CDH13: variants seen among roughly 807,000 people sequenced by gnomAD.
CDH13 encodes the protein cadherin 13.
In CDH13, 24 loss-of-function variants were observed where a neutral mutation model predicts 63.8. The observed-to-expected ratio is 0.38, with a 90% CI of 0.27 to 0.53. The LOEUF (loss-of-function observed/expected upper bound fraction) is 0.53. CDH13 is among the 20% of genes least tolerant of loss of function. The pLI is 0.85. For missense variants in CDH13, 1,049 were observed against 903.1 expected, an observed-to-expected ratio of 1.16 and a Z score of -2.07; for synonymous variants, 503 against 355.3, an observed-to-expected ratio of 1.42 and a Z score of -4.67.
chr16:82,719,468 C>T (rs982496764), intron 1 of CDH13: 9 of 455,444 alleles, frequency 2.0e-5, no homozygotes, highest in Non-Finnish European at 4.0e-5. Flanking sequence ...AGGAATGATG[C>T]CAACTTCGTA....
At chr16:83,580,492 CTCTCTCTCTCTCTCT>C (rs1258357412) in intron 7 of CDH13, among the ~76,000 whole-genome samples, 1 of 117,854 alleles carries the variant, frequency 8.5e-6, no homozygotes, top group African/African-American at 3.4e-5. Flanking sequence ...CTCTCTCTCT[CTCTCTCTCTCTCTCT>C]AAGTCAGGTC....
rs114824769 is a variant in CDH13, at chr16:82,960,606, T to C, written c.158-71404T>C. ...AACAATCTTTTTTCACCTTCTGGGC[T>C]TCACAAACAAAATAGCACCTTCAGT... On this transcript the variant is annotated intron_variant, in intron 2 of 13. Transcript: ENST00000567109. Among the ~76,000 whole-genome samples the C allele has an allele frequency of 3.4e-3, 520 of 152,302 alleles. 5 individuals are homozygous for C. The highest frequency in any genetic ancestry group is 0.012 in the African/African-American group (501 of 41,570).
chr16:83,245,518 C>T (rs574976530), intron 5 of CDH13, among the ~76,000 whole-genome samples: 122 of 152,316 alleles, frequency 8.0e-4, no homozygotes, highest in African/African-American at 2.7e-3. Context: ...CCGAGAACTC[C>T]ATCTAGGCTT....
At chr16:82,738,690 TC>T (rs1314172390) in intron 1 of CDH13, among the ~76,000 whole-genome samples, 2 of 152,222 alleles carry the variant, frequency 1.3e-5, no homozygotes, top group African/African-American at 4.8e-5. Context: ...ATTCTCTCTT[TC>T]TCCTTATTTA....
intron 10 of CDH13, among the ~76,000 whole-genome samples, chr16:83,741,349 C>T (rs1472112637): frequency 6.6e-6 from 1 of 152,102 alleles, no homozygotes; most frequent in African/African-American, 2.4e-5. Flanking sequence ...TACTGTTTCC[C>T]TTCTTTCCTA....
chr16:83,125,442 G>A lies in CDH13; in HGVS notation c.424G>A (p.Val142Ile), dbSNP rs2035767945. The A allele has an allele frequency of 1.9e-6, 3 of 1,612,438 alleles. No homozygotes were observed. Among genetic ancestry groups the A allele is most frequent in the Admixed American group, 1.7e-5 (1 of 59,990 alleles). ...PVPRQKRSIV[V>I]SPILIPENQR... Reference sequence around the variant, plus strand: ...CCCAAGACAAAAGAGGTCCATTGTGGTATCTCCCATTTTAATTCCAGAGAA... The same window carrying A: ...CCCAAGACAAAAGAGGTCCATTGTGATATCTCCCATTTTAATTCCAGAGAA... The change falls in exon 4 of 14, where the codon GTA (valine) becomes ATA (isoleucine). Residue 142 changes from valine to isoleucine, a missense_variant. Physicochemically the swap from Val to Ile is conservative, Grantham distance 29 (BLOSUM62 3). Transcript: ENST00000567109.
intron 6 of CDH13, among the ~76,000 whole-genome samples, chr16:83,367,220 T>C (rs746718425): frequency 3.3e-5 from 5 of 152,224 alleles, no homozygotes; most frequent in Non-Finnish European, 5.9e-5. Flanking sequence ...AATGCAGTCA[T>C]GCAATATGTG....
chr16:83,018,609 A>G (rs575568043), intron 2 of CDH13, among the ~76,000 whole-genome samples: 1 of 152,326 alleles, frequency 6.6e-6, no homozygotes, highest in African/African-American at 2.4e-5. Flanking sequence ...CCCCTCCAGT[A>G]TGGTCATGCA....
chr16:83,661,482 CAAAA>C (rs35875178), intron 8 of CDH13, among the ~76,000 whole-genome samples: 3 of 116,806 alleles, frequency 2.6e-5, no homozygotes, highest in Non-Finnish European at 3.8e-5. Context: ...GACCCTGTCT[CAAAA>C]AAAAAAAAAA....
Position 82,638,539 on chromosome 16 carries a change from T to G in CDH13, c.45+11402T>G, listed in dbSNP as rs189747964. Among the ~76,000 whole-genome samples, 515 of 152,338 alleles carry G rather than the reference T, an allele frequency of 3.4e-3. 1 individual carries two copies. The highest frequency in any genetic ancestry group is 0.013 in the South Asian group (64 of 4,826). On this transcript the variant is annotated intron_variant, in intron 1 of 13. Transcript: ENST00000567109. ...ATGTTGGTTGTATTACTTTTCACCC[T>G]ATGCTCCAAGGAATTTTATGGTCTG...
chr16:83,734,320 A>G (rs1458642674), intron 10 of CDH13, among the ~76,000 whole-genome samples: 1 of 152,152 alleles, frequency 6.6e-6, no homozygotes, highest in Admixed American at 6.5e-5. Context: ...AAAGCCAGGG[A>G]AGAAGGCTTT....
Position 83,127,492 on chromosome 16 carries a change from C to T in CDH13, c.483+1991C>T, listed in dbSNP as rs139694574. Among the ~76,000 whole-genome samples, 94 of 152,034 alleles carry T rather than the reference C, an allele frequency of 6.2e-4. 1 individual carries two copies. In the East Asian group the frequency reaches 0.013, roughly 21 times the overall value. On this transcript the variant is annotated intron_variant, in intron 4 of 13. Coordinates refer to ENST00000567109, the MANE Select transcript of CDH13 (RefSeq NM_001257.5). ...CGCCTGTAATCCCAGCACTGTGGGA[C>T]GCTGAGGCGGGAGGATCACCCGAGG...
intron 6 of CDH13, among the ~76,000 whole-genome samples, chr16:83,371,091 T>A (rs12716734): frequency 0.32 from 49,140 of 152,190 alleles, 8,208 homozygotes; most frequent in Middle Eastern, 0.43. Context: ...CTAGTGGGAA[T>A]GTAAGTTAGT....
At position 83,800,077 on chromosome 16, in the gene CDH13, C is replaced by A. The variant is rs1031181094; in HGVS notation, c.*5047C>A. 1.3e-5 allele frequency: 2 copies of A among 152,184 alleles called. No homozygotes were observed. The highest frequency in any genetic ancestry group is 4.8e-5 in the African/African-American group (2 of 41,430). The allele number at this position is 152,184 out of a possible 1,614,324, so 9.4% of individuals were successfully genotyped here. On this transcript the variant is annotated 3_prime_UTR_variant, in exon 14 of 14. Coordinates refer to ENST00000567109, the MANE Select transcript of CDH13 (RefSeq NM_001257.5). ...CATCTATCGTTGGAGGGTTGCTGAG[C>A]TTGATACGCCTTTGAACCATTTTAT... is the stretch of plus-strand genomic sequence containing the variant.
intron 1 of CDH13, among the ~76,000 whole-genome samples, chr16:82,690,473 G>T (rs2150975161): frequency 6.6e-6 from 1 of 152,276 alleles, no homozygotes; most frequent in South Asian, 2.1e-4. Context: ...CACATTTATT[G>T]ATGATCCAGA....
At chr16:82,976,237 G>C (rs575789454) in intron 2 of CDH13, among the ~76,000 whole-genome samples, 1 of 152,308 alleles carries the variant, frequency 6.6e-6, no homozygotes, top group Non-Finnish European at 1.5e-5. Context: ...GAAGGGCTGG[G>C]GCTCTGAAGA....
intron 7 of CDH13, among the ~76,000 whole-genome samples, chr16:83,582,760 C>G (rs1417678916): frequency 6.6e-6 from 1 of 152,226 alleles, no homozygotes; most frequent in East Asian, 1.9e-4. Context: ...TTCCTGAAGA[C>G]TGAGCTCTCT....
chr16:83,303,665 T>C (rs2089803253), intron 5 of CDH13, among the ~76,000 whole-genome samples: 1 of 152,182 alleles, frequency 6.6e-6, no homozygotes, highest in South Asian at 2.1e-4. Context: ...CGAACAGCCT[T>C]ATCCTGTGCT....
chr16:83,203,665 A>AG (rs920520209), intron 4 of CDH13, among the ~76,000 whole-genome samples: 1 of 150,376 alleles, frequency 6.6e-6, no homozygotes, highest in Non-Finnish European at 1.5e-5. Context: ...CCATCTCAAA[A>AG]AAAAAAAAAA....
Sources: gnomAD v4.1 joint callset for allele counts (sites outside exome capture counted in the v4.1 genomes callset) on GRCh38, gnomAD v4.1.1 for gene constraint, MANE v1.5 for transcripts, NCBI Gene and HGNC (gene_info 2026-07-23, HGNC 2026-07-21) for gene names.